Variants in ZNF827 observed in about 807,000 individuals in gnomAD.
ZNF827 encodes zinc finger protein 827.
Under a neutral mutation model 102.4 loss-of-function variants are expected in ZNF827, and 13 were observed. The observed-to-expected ratio is 0.13, with a 90% CI of 0.08 to 0.20. ZNF827 has a LOEUF of 0.20. Among genes scored for constraint, ZNF827 ranks in the 10% least tolerant of loss-of-function variants. The pLI is 1.00. For synonymous variants in ZNF827, 523 were observed against 536.2 expected, an observed-to-expected ratio of 0.98 and a Z score of 0.34; for missense variants, 1,103 against 1,344.4, an observed-to-expected ratio of 0.82 and a Z score of 2.81.
intron 1 of ZNF827, among the ~76,000 whole-genome samples, chr4:145,906,132 TA>T (rs1457377771): frequency 6.6e-6 from 1 of 152,246 alleles, no homozygotes; most frequent in Non-Finnish European, 1.5e-5. Flanking sequence ...CACGTAGAGC[TA>T]ATGCAGAAAC....
chr4:145,820,869 T>A (rs749983558), intron 8 of ZNF827, among the ~76,000 whole-genome samples: 1 of 152,248 alleles, frequency 6.6e-6, no homozygotes, highest in Non-Finnish European at 1.5e-5. Context: ...TTATCCCAGA[T>A]GAAATGTTCT....
intron 1 of ZNF827, among the ~76,000 whole-genome samples, chr4:145,912,303 C>T (rs963471812): frequency 6.6e-6 from 1 of 152,178 alleles, no homozygotes; most frequent in African/African-American, 2.4e-5. Flanking sequence ...TGGCCCAAAG[C>T]AACTATGTAT....
chr4:145,800,613 T>C (rs146691003), intron 8 of ZNF827, among the ~76,000 whole-genome samples: 65 of 152,276 alleles, frequency 4.3e-4, no homozygotes, highest in Middle Eastern at 3.4e-3. Context: ...TAACATGCCC[T>C]TTATGTACAC....
At chr4:145,807,818 C>CA (rs1741626350) in intron 8 of ZNF827, among the ~76,000 whole-genome samples, 1 of 142,506 alleles carries the variant, frequency 7.0e-6, no homozygotes, top group Non-Finnish European at 1.5e-5. Flanking sequence ...AAACAAAAAA[C>CA]AAAAAACATT....
chr4:145,815,387 A>T (rs1742499871), intron 8 of ZNF827, among the ~76,000 whole-genome samples: 1 of 152,222 alleles, frequency 6.6e-6, no homozygotes, highest in African/African-American at 2.4e-5. Flanking sequence ...AATGAGAGAG[A>T]ATAGCAGAAA....
At chr4:145,837,694 T>G (rs1289403754) in intron 7 of ZNF827, among the ~76,000 whole-genome samples, 3 of 152,232 alleles carry the variant, frequency 2.0e-5, no homozygotes, top group Non-Finnish European at 4.4e-5. Flanking sequence ...CCGAATCTCC[T>G]TAAGCACTCT....
chr4:145,830,531 T>A (rs945721740), intron 7 of ZNF827: 2 of 152,218 alleles, frequency 1.3e-5, no homozygotes, highest in Non-Finnish European at 2.9e-5. Context: ...ATTTTCAACT[T>A]AATTTTCATG....
chr4:145,814,437 C>A (rs1464036166), intron 8 of ZNF827, among the ~76,000 whole-genome samples: 1 of 152,190 alleles, frequency 6.6e-6, no homozygotes, highest in Non-Finnish European at 1.5e-5. Flanking sequence ...CACATCCCAG[C>A]TGTCTCACTC....
intron 8 of ZNF827, among the ~76,000 whole-genome samples, chr4:145,807,771 C>A: frequency 7.2e-6 from 1 of 138,524 alleles, no homozygotes. Flanking sequence ...TGCCAGGCTG[C>A]TTTAAAAAAA....
At chr4:145,930,001 C>T (rs566888886) in intron 1 of ZNF827, among the ~76,000 whole-genome samples, 7 of 152,192 alleles carry the variant, frequency 4.6e-5, no homozygotes, top group African/African-American at 1.2e-4. Flanking sequence ...AGAGTTTGTA[C>T]GTTTGACTGC....
At position 145,761,689 on chromosome 4, in the gene ZNF827, A is replaced by C. The variant is rs1579063348; in HGVS notation, c.*18-91T>G. ...CGCCTCACCAGCCTTCCCTCACACC[A>C]CCCCCCAGTGTCTGAGGCCTGGCCT... On this transcript the variant is annotated intron_variant, in intron 14 of 14. Transcript: ENST00000508784. This position sits in a 1 kb window ranked among gnomAD's most constrained non-coding sequence, Gnocchi z 6.8. 1.3e-6 allele frequency: 1 copy of C among 789,546 alleles called. No homozygotes were observed. The highest frequency in any genetic ancestry group is 1.8e-6 in the Non-Finnish European group (1 of 568,398). The allele number at this position is 789,546 out of a possible 1,614,324, so 48.9% of individuals were successfully genotyped here. A position where few individuals can be genotyped will look rare whatever the true frequency, so the allele number is the denominator to read the frequency against.
intron 8 of ZNF827, among the ~76,000 whole-genome samples, chr4:145,820,412 C>A (rs912164172): frequency 6.6e-6 from 1 of 152,132 alleles, no homozygotes; most frequent in Non-Finnish European, 1.5e-5. Context: ...GCATTATCTG[C>A]TGAACAAAGA....
chr4:145,890,249 G>GT lies in ZNF827; in HGVS notation c.1266+1993dup, dbSNP rs1350321335. On this transcript the variant is annotated intron_variant, in intron 3 of 14. Coordinates refer to ENST00000508784, the MANE Select transcript of ZNF827 (RefSeq NM_001306215.2). Reference sequence around the variant, plus strand: ...TGCATGAGCTCTTCTCACACTTCCCGTATCAAAAGCTCAAGTCATAGCTCA... The same window carrying GT: ...TGCATGAGCTCTTCTCACACTTCCCGTTATCAAAAGCTCAAGTCATAGCTCA... Among the ~76,000 whole-genome samples the GT allele has an allele frequency of 2.0e-5, 3 of 152,150 alleles. No homozygotes were observed. In the East Asian group the frequency reaches 5.8e-4, roughly 29 times the overall value.
In ZNF827 at chr4:145,892,428, A is replaced by G; in HGVS notation, c.1094-13T>C. On this transcript the variant is annotated splice_polypyrimidine_tract_variant and intron_variant, in intron 2 of 14. Transcript: ENST00000508784. ...TCCTCTTCTGAGGCTTGGAAGAAGG[A>G]GAAAGAAAGGACCATTAAGGAAAAC... 6 of 1,606,632 alleles carry G rather than the reference A, an allele frequency of 3.7e-6. No individual in the cohort carries two copies. Among genetic ancestry groups the G allele is most frequent in the Non-Finnish European group, 5.1e-6 (6 of 1,175,882 alleles).
At position 145,836,507 on chromosome 4, in the gene ZNF827, C is replaced by T. The variant is rs532276536; in HGVS notation, c.2279+9449G>A. 3.9e-4 allele frequency among the ~76,000 whole-genome samples: 59 copies of T among 152,188 alleles called. 1 individual carries two copies. In the South Asian group the frequency reaches 5.0e-3, roughly 13 times the overall value. ...AATGTATTGTCTTCCTCATACCTGA[C>T]GCATATACTTTCTGCTCCCCGGCTC... On this transcript the variant is annotated intron_variant, in intron 7 of 14. Transcript: ENST00000508784.
chr4:145,860,587 A>G (rs1425584285), intron 5 of ZNF827, among the ~76,000 whole-genome samples: 1 of 152,170 alleles, frequency 6.6e-6, no homozygotes, highest in Non-Finnish European at 1.5e-5. Context: ...AGCTGTGGAG[A>G]TAAGTGATAC....
At chr4:145,857,363 C>G (rs1747248530) in intron 5 of ZNF827, among the ~76,000 whole-genome samples, 1 of 152,198 alleles carries the variant, frequency 6.6e-6, no homozygotes, top group African/African-American at 2.4e-5. Context: ...GAATTTCTTT[C>G]TGGGGTACAT....
At chr4:145,878,276 A>G (rs1749329120) in intron 4 of ZNF827, among the ~76,000 whole-genome samples, 1 of 152,166 alleles carries the variant, frequency 6.6e-6, no homozygotes, top group Non-Finnish European at 1.5e-5. Flanking sequence ...TATACATGCA[A>G]TTCCATGGTT....
At chr4:145,931,342 G>T (rs933947557) in intron 1 of ZNF827, among the ~76,000 whole-genome samples, 1 of 152,172 alleles carries the variant, frequency 6.6e-6, no homozygotes, top group Admixed American at 6.5e-5. Flanking sequence ...TCAGAAACAG[G>T]CACCATCATT....
Sources: gnomAD v4.1 joint callset for allele counts (sites outside exome capture counted in the v4.1 genomes callset) on GRCh38, gnomAD v4.1.1 for gene constraint, Gnocchi (gnomAD v3.1) non-coding constraint, MANE v1.5 for transcripts, NCBI Gene and HGNC (gene_info 2026-07-23, HGNC 2026-07-21) for gene names.